UTP6: variants seen among roughly 807,000 people sequenced by gnomAD.
UTP6 encodes U3 small nucleolar RNA-associated protein 6 homolog.
Under a neutral mutation model 96.5 loss-of-function variants are expected in UTP6, and 60 were observed. That is an observed-to-expected ratio of 0.62 (90% confidence interval 0.51 to 0.77). UTP6 has a LOEUF of 0.77. UTP6 is among the 30% of genes least tolerant of loss of function. The probability of loss-of-function intolerance (pLI) is 0.00; values close to 1 mark genes in which losing one functional copy is unlikely to be tolerated. For synonymous variants in UTP6, 215 were observed against 240.1 expected (o/e 0.90, Z 0.96); for missense variants, 637 against 706.5 (o/e 0.90, Z 1.12).
At chr17:31,884,880 C>T (rs944375154) in intron 9 of UTP6, 1 of 160,142 alleles carries the variant, frequency 6.2e-6, no homozygotes, top group Non-Finnish European at 1.3e-5. Context: ...ATGGTGAAAC[C>T]TCATCTCTAC....
chr17:31,899,646 T>A lies in UTP6; in HGVS notation c.177A>T (p.Gln59His), dbSNP rs1904851886. ...AAGAAATTATTAATTACACACTTAC[T>A]TGAACATAATTGATAAAGTCTTCCT... ...LFKEDFINYVQYEINLLELIQ... is the reference protein window; with the variant it reads ...LFKEDFINYVHYEINLLELIQ... Residue 59 changes from glutamine (Q) to histidine (H), a missense_variant and splice_region_variant, in exon 2 of 19, where the codon CAA becomes CAT. Physicochemically the swap from Gln to His is conservative, Grantham distance 24. Coordinates refer to ENST00000261708, the MANE Select transcript of UTP6 (RefSeq NM_018428.3). 1.3e-6 allele frequency: 2 copies of A among 1,581,624 alleles called. No individual in the cohort carries two copies. The highest frequency in any genetic ancestry group is 4.5e-5 in the East Asian group (2 of 44,532).
At chr17:31,900,288 T>G (rs1004077847) in intron 1 of UTP6, among the ~76,000 whole-genome samples, 1 of 152,096 alleles carries the variant, frequency 6.6e-6, no homozygotes, top group Non-Finnish European at 1.5e-5. Context: ...TTTATACCAT[T>G]TATGTATGGT....
At position 31,887,115 on chromosome 17, in the gene UTP6, T is replaced by C; in HGVS notation, c.621+121A>G. 3.6e-6 allele frequency: 3 copies of C among 834,942 alleles called. No homozygotes were observed. In the Admixed American group the frequency reaches 8.3e-5, roughly 23 times the overall value. 51.7% of individuals were successfully genotyped at this position (834,942 alleles called of 1,614,324 possible). ...TCCAGCCTGTGTGACAGACCGAGAC[T>C]CCGTCTCAAAAAAAAAGAAAAAAAA... On this transcript the variant is annotated intron_variant, in intron 8 of 18. Transcript: ENST00000261708.
intron 16 of UTP6, among the ~76,000 whole-genome samples, chr17:31,872,366 T>C (rs912819852): frequency 8.6e-5 from 13 of 151,844 alleles, no homozygotes; most frequent in African/African-American, 3.1e-4. Context: ...GCTTTTATTG[T>C]TCAAAAAAAA....
intron 6 of UTP6, 47 bp from the exon 7 acceptor site, chr17:31,889,450 T>A: frequency 6.9e-7 from 1 of 1,439,400 alleles, no homozygotes; most frequent in Non-Finnish European, 9.6e-7. Context: ...ATTAATCAAG[T>A]CAGACAAGAA....
chr17:31,882,543 T>G (rs996468253), intron 10 of UTP6, among the ~76,000 whole-genome samples: 5 of 148,174 alleles, frequency 3.4e-5, no homozygotes, highest in African/African-American at 1.0e-4. Flanking sequence ...ATGATCTCAA[T>G]CTCTTGACCT....
intron 11 of UTP6, chr17:31,880,037 T>G (rs1338871864): frequency 1.3e-5 from 2 of 151,006 alleles, no homozygotes; most frequent in Non-Finnish European, 2.9e-5. Flanking sequence ...ACCTGGGAGG[T>G]GGAGGCTGCA....
chr17:31,882,106 C>T (rs1370728299), intron 10 of UTP6, among the ~76,000 whole-genome samples: 9 of 152,206 alleles, frequency 5.9e-5, no homozygotes, highest in African/African-American at 2.2e-4. Context: ...TCTCAACTCA[C>T]TATAACCTCC....
rs557931953 is a variant in UTP6 at position 31,883,074 on chromosome 17, C to A, written c.785+1350G>T. Among the ~76,000 whole-genome samples the A allele has an allele frequency of 5.9e-5, 9 of 152,228 alleles. No individual in the cohort carries two copies. In the East Asian group the frequency reaches 1.7e-3, roughly 29 times the overall value. ...ACCAGCCAGGTGTAATGGCTCACAC[C>A]TGTAATCCTTGCACTTTGGGAGGCT... On this transcript the variant is annotated intron_variant, in intron 10 of 18. Coordinates refer to ENST00000261708, the MANE Select transcript of UTP6 (RefSeq NM_018428.3).
chr17:31,883,245 ATATGAG>A lies in UTP6; in HGVS notation c.785+1173_785+1178del, dbSNP rs543082858. Among the ~76,000 whole-genome samples, 165 of 152,144 alleles carry A rather than the reference ATATGAG, an allele frequency of 1.1e-3. 1 individual carries two copies. Among genetic ancestry groups the A allele is most frequent in the Non-Finnish European group, 1.9e-3 (131 of 68,010 alleles). On this transcript the variant is annotated intron_variant, in intron 10 of 18. Coordinates refer to ENST00000261708, the MANE Select transcript of UTP6 (RefSeq NM_018428.3). ...AAATTACCAGCACTCAACTATAAAC[ATATGAG>A]TATAACTCTCATTTTATGGATAAAT... is the stretch of plus-strand genomic sequence containing the variant.
Position 31,862,367 on chromosome 17 carries a change from G to A in UTP6, c.*992C>T, listed in dbSNP as rs1299533119. The stretch of plus-strand genomic sequence containing the variant: ...GCTCATTTTTACAATGTAATGTTAC[G>A]AATTCATTAAATGTTTTTAAGGCTA... On this transcript the variant is annotated 3_prime_UTR_variant, in exon 19 of 19. Transcript: ENST00000261708. 1 of 151,728 alleles carries A rather than the reference G, an allele frequency of 6.6e-6. No individual in the cohort carries two copies. Among genetic ancestry groups the A allele is most frequent in the Non-Finnish European group, 1.5e-5 (1 of 67,992 alleles). 9.4% of individuals were successfully genotyped at this position (151,728 alleles called of 1,614,324 possible).
intron 6 of UTP6, among the ~76,000 whole-genome samples, chr17:31,891,444 G>A (rs1567791257): frequency 6.6e-6 from 1 of 152,206 alleles, no homozygotes; most frequent in African/African-American, 2.4e-5. Context: ...GTAAACTGGT[G>A]CCAAATGTAG....
At position 31,885,980 on chromosome 17, in the gene UTP6, C is replaced by A. The variant is rs1238146960; in HGVS notation, c.703G>T (p.Gly235Cys). Residue 235 changes from glycine to cysteine, a missense_variant and splice_region_variant, in exon 9 of 19, where the codon GGT becomes TGT. Transcript: ENST00000261708. The stretch of plus-strand genomic sequence containing the variant: ...AAAATAATGTTCAAAAGATACCTAC[C>A]TTTAATTATGCTTACAGAATTTTTG... ...IYKNSVSIIKGAEFHVSLLSI... is the reference protein window; with the variant it reads ...IYKNSVSIIKCAEFHVSLLSI... 6 of 1,611,556 alleles carry A rather than the reference C, an allele frequency of 3.7e-6. No homozygotes were observed. The East Asian group carries it at 1.3e-4, about 36-fold the overall frequency.
intron 9 of UTP6, chr17:31,885,071 G>C (rs1911073462): frequency 6.5e-6 from 1 of 153,026 alleles, no homozygotes; most frequent in African/African-American, 2.4e-5. Context: ...AAGGATAAAT[G>C]AGTACACGCT....
intron 16 of UTP6, among the ~76,000 whole-genome samples, chr17:31,871,901 A>T (rs1910191622): frequency 6.6e-6 from 1 of 151,966 alleles, no homozygotes. Context: ...CAAAGAAAAA[A>T]AAAATATTTA....
rs778247568 is a variant in UTP6 at position 31,878,292 on chromosome 17, T to C, written c.1083A>G (p.Ala361=). The change falls in exon 13 of 19, where the codon GCA becomes GCG. Residue 361 remains alanine (A), a synonymous_variant. Coordinates refer to ENST00000261708, the MANE Select transcript of UTP6 (RefSeq NM_018428.3). The part of the protein sequence containing the change: ...LERTMTVFRK[A]HELKLLSECQ... ...ATTCTGACAGAAGCTTCAGTTCATG[T>C]GCCTTCCTGAATACAGTCATGGTTC... The C allele has an allele frequency of 1.5e-5, 25 of 1,614,100 alleles. No homozygotes were observed. Among genetic ancestry groups the C allele is most frequent in the Non-Finnish European group, 1.9e-5 (22 of 1,180,046 alleles).
Position 31,901,650 on chromosome 17 carries a change from G to T in UTP6, c.-23C>A. Reference sequence around the variant, plus strand: ...CATGAGGTCCGAGGTCTACAACCCCGCGGGTAGCTTCTCAACAGCGAACAC... The same window carrying T: ...CATGAGGTCCGAGGTCTACAACCCCTCGGGTAGCTTCTCAACAGCGAACAC... On this transcript the variant is annotated 5_prime_UTR_variant, in exon 1 of 19. Coordinates refer to ENST00000261708, the MANE Select transcript of UTP6 (RefSeq NM_018428.3). 1.2e-6 allele frequency: 2 copies of T among 1,610,574 alleles called. No homozygotes were observed. Among genetic ancestry groups the T allele is most frequent in the South Asian group, 2.2e-5 (2 of 91,056 alleles).
intron 11 of UTP6, 99 bp from the exon 12 acceptor site, chr17:31,878,880 C>T: frequency 9.0e-7 from 1 of 1,110,320 alleles, no homozygotes; most frequent in South Asian, 1.5e-5. Flanking sequence ...TCATCCTACA[C>T]CTTTACTTCA....
rs867266036 is a variant in UTP6 at position 31,861,548 on chromosome 17, A to G, written c.*1811T>C. The G allele has an allele frequency of 1.9e-4, 29 of 152,060 alleles. No individual in the cohort carries two copies. The highest frequency in any genetic ancestry group is 6.8e-4 in the African/African-American group (28 of 41,412). The allele number at this position is 152,060 out of a possible 1,614,324, so 9.4% of individuals were successfully genotyped here. ...GGAGGATCTCTTGAGCCCAGAAGTTAAGGCTGTAGTGAGCCATGATCACAC... is the reference window on the plus strand; with the variant it reads ...GGAGGATCTCTTGAGCCCAGAAGTTGAGGCTGTAGTGAGCCATGATCACAC... On this transcript the variant is annotated 3_prime_UTR_variant, in exon 19 of 19. Transcript: ENST00000261708.
Sources: allele counts gnomAD v4.1 joint callset (sites outside exome capture counted in the v4.1 genomes callset), GRCh38; gene constraint gnomAD v4.1.1; transcripts MANE v1.5; gene names NCBI Gene and HGNC (gene_info 2026-07-23, HGNC 2026-07-21).